The following SPECC1 variants were observed in gnomAD, a reference collection of about 807,000 sequenced individuals.
SPECC1 encodes sperm antigen with calponin homology and coiled-coil domains 1.
A neutral mutation model predicts 104.1 loss-of-function variants in SPECC1; 62 were observed. The observed-to-expected ratio is 0.60, with a 90% confidence interval of 0.49 to 0.74. The LOEUF (loss-of-function observed/expected upper bound fraction) is 0.74. Among genes scored for constraint, SPECC1 ranks in the 30% least tolerant of loss-of-function variants. The probability of loss-of-function intolerance (pLI) is 0.00; values close to 1 mark genes in which losing one functional copy is unlikely to be tolerated. For missense variants in SPECC1, 1,306 were observed against 1,310.5 expected (o/e 1.00, Z 0.05); for synonymous variants, 513 against 501.6 (o/e 1.02, Z -0.30).
At position 20,156,033 on chromosome 17, in the gene SPECC1, G is replaced by A; in HGVS notation, c.283+45471G>A. The A allele has an allele frequency of 8.6e-6, 11 of 1,277,868 alleles. No individual in the cohort carries two copies. The South Asian group carries it at 2.4e-4, about 28-fold the overall frequency. 79.2% of individuals were successfully genotyped at this position (1,277,868 alleles called of 1,614,324 possible). On this transcript the variant is annotated intron_variant, in intron 3 of 14. Coordinates refer to ENST00000395527, the MANE Select transcript of SPECC1 (RefSeq NM_001243439.2). ...GGCCCACGGGCGCGGGAGAGCAGCGGCTCCGCCGGCAGCTGCTGGGAACTG... is the reference window on the plus strand; with the variant it reads ...GGCCCACGGGCGCGGGAGAGCAGCGACTCCGCCGGCAGCTGCTGGGAACTG...
chr17:20,149,321 C>G (rs949923234), intron 3 of SPECC1, among the ~76,000 whole-genome samples: 2 of 152,230 alleles, frequency 1.3e-5, no homozygotes, highest in South Asian at 2.1e-4. Flanking sequence ...AAGGTTGGCA[C>G]TTGGCTCGTG....
rs2032446912 is a variant in SPECC1 at position 20,155,998 on chromosome 17, G to A, written c.283+45436G>A. On this transcript the variant is annotated intron_variant, in intron 3 of 14. Transcript: ENST00000395527. ...CCGCGAGGGCGGGCTTGATGCAGAT[G>A]AGGGGGCGGGGCCCACGGGCGCGGG... 5.5e-6 allele frequency: 7 copies of A among 1,282,722 alleles called. No individual in the cohort carries two copies. In the African/African-American group the frequency reaches 9.3e-5, roughly 17 times the overall value. 79.5% of individuals were successfully genotyped at this position (1,282,722 alleles called of 1,614,324 possible).
chr17:20,241,387 C>G (rs2039194743), intron 7 of SPECC1, among the ~76,000 whole-genome samples: 1 of 152,160 alleles, frequency 6.6e-6, no homozygotes, highest in African/African-American at 2.4e-5. Flanking sequence ...TCTTCTTGTT[C>G]CTGATCCTTT....
At chr17:20,305,138 G>A (rs2041721632) in intron 13 of SPECC1, among the ~76,000 whole-genome samples, 1 of 152,068 alleles carries the variant, frequency 6.6e-6, no homozygotes, top group Non-Finnish European at 1.5e-5. Flanking sequence ...GAGGACACGT[G>A]CCCACAGCTG....
At chr17:20,037,484 GCTT>G (rs753150227) in intron 1 of SPECC1, among the ~76,000 whole-genome samples, 89 of 150,896 alleles carry the variant, frequency 5.9e-4, no homozygotes, top group Non-Finnish European at 1.2e-3. Flanking sequence ...CTTGTCCAGT[GCTT>G]CTTTTTTTTT....
chr17:20,107,257 T>C (rs2048268189), intron 2 of SPECC1, among the ~76,000 whole-genome samples: 1 of 151,734 alleles, frequency 6.6e-6, no homozygotes, highest in Non-Finnish European at 1.5e-5. Flanking sequence ...GAATTACTTG[T>C]TTTTAAAGTT....
At chr17:20,160,465 A>G (rs1022078243) in intron 3 of SPECC1, among the ~76,000 whole-genome samples, 5 of 152,106 alleles carry the variant, frequency 3.3e-5, no homozygotes, top group African/African-American at 1.2e-4. Flanking sequence ...ATGCCAGGGG[A>G]CTGCATCAAG....
chr17:20,111,940 C>T (rs747882942), intron 3 of SPECC1: 2 of 792,744 alleles, frequency 2.5e-6, no homozygotes, highest in Non-Finnish European at 2.3e-6. Flanking sequence ...GCATAAAAGC[C>T]ACCAGTGTGT....
chr17:20,199,332 C>T (rs1251339152), intron 3 of SPECC1, among the ~76,000 whole-genome samples: 1 of 150,630 alleles, frequency 6.6e-6, no homozygotes. Flanking sequence ...GGTGATCCAC[C>T]TGCCTCGGCC....
chr17:20,236,214 C>G (rs2038901874), intron 7 of SPECC1, among the ~76,000 whole-genome samples: 1 of 152,140 alleles, frequency 6.6e-6, no homozygotes, highest in African/African-American at 2.4e-5. Context: ...CCTTAGCACC[C>G]ATGACGGCAT....
At chr17:20,073,100 A>G (rs2046622515) in intron 1 of SPECC1, among the ~76,000 whole-genome samples, 1 of 152,138 alleles carries the variant, frequency 6.6e-6, no homozygotes, top group Non-Finnish European at 1.5e-5. Context: ...ATTGCAACAA[A>G]TTATTGGAGC....
chr17:20,032,884 A>G (rs893585566), intron 1 of SPECC1, among the ~76,000 whole-genome samples: 1 of 151,584 alleles, frequency 6.6e-6, no homozygotes, highest in African/African-American at 2.4e-5. Context: ...TCATATATAT[A>G]TGTGTGTCTG....
intron 12 of SPECC1, among the ~76,000 whole-genome samples, chr17:20,276,295 A>G (rs925741950): frequency 2.0e-5 from 3 of 151,898 alleles, no homozygotes; most frequent in African/African-American, 7.3e-5. Context: ...TCTTTAAAAA[A>G]TTTTTTTAGA....
intron 3 of SPECC1, among the ~76,000 whole-genome samples, chr17:20,153,751 A>C (rs2032219580): frequency 6.6e-6 from 1 of 152,206 alleles, no homozygotes; most frequent in Non-Finnish European, 1.5e-5. Context: ...AACTCTTTGA[A>C]TAAGTATGTA....
At chr17:20,055,490 T>C (rs909664760) in intron 1 of SPECC1, among the ~76,000 whole-genome samples, 14 of 152,310 alleles carry the variant, frequency 9.2e-5, no homozygotes, top group Non-Finnish European at 1.5e-4. Context: ...TGTCTTTTGA[T>C]TTTTTGGTAA....
At chr17:20,279,386 G>A (rs946417956) in intron 12 of SPECC1, among the ~76,000 whole-genome samples, 33 of 146,290 alleles carry the variant, frequency 2.3e-4, no homozygotes, top group African/African-American at 7.9e-4. Flanking sequence ...GCAATGGTGC[G>A]ATCTCAGCTC....
chr17:20,158,557 C>G (rs1478126325), intron 3 of SPECC1, among the ~76,000 whole-genome samples: 8 of 152,184 alleles, frequency 5.3e-5, no homozygotes, highest in African/African-American at 1.9e-4. Flanking sequence ...CCTAGCAAAG[C>G]CCACCCATTA....
chr17:20,294,674 GGTGGGGATGATGGT>G, intron 12 of SPECC1, among the ~76,000 whole-genome samples: 1 of 151,006 alleles, frequency 6.6e-6, no homozygotes, highest in East Asian at 2.0e-4. Context: ...TGATGATGGT[GGTGGGGATGATGGT>G]CATGGTTATG....
chr17:20,187,796 G>A (rs905669877), intron 3 of SPECC1, among the ~76,000 whole-genome samples: 3 of 152,142 alleles, frequency 2.0e-5, no homozygotes, highest in African/African-American at 7.2e-5. Flanking sequence ...AGCTCTCTAG[G>A]CAGTTTATCC....
Sources: gnomAD v4.1 joint callset for allele counts (sites outside exome capture counted in the v4.1 genomes callset) on GRCh38, gnomAD v4.1.1 for gene constraint, MANE v1.5 for transcripts, NCBI Gene and HGNC (gene_info 2026-07-23, HGNC 2026-07-21) for gene names.